RIPK1: variants seen among roughly 807,000 people sequenced by gnomAD.
RIPK1 encodes the protein receptor interacting serine/threonine kinase 1.
RIPK1 carries 27 observed loss-of-function variants against 62.4 expected under a neutral mutation model. The observed-to-expected ratio is 0.43, with a 90% CI of 0.32 to 0.60. The LOEUF (loss-of-function observed/expected upper bound fraction) is 0.60, where lower values mean the gene tolerates loss of function less well. Among genes scored for constraint, RIPK1 ranks in the 20% least tolerant of loss-of-function variants. The pLI is 0.07. For missense variants in RIPK1, 735 were observed against 831.0 expected (o/e 0.88, Z 1.42); for synonymous variants, 287 against 303.2 (o/e 0.95, Z 0.55).
At chr6:3,078,161 TA>T in intron 3 of RIPK1, among the ~76,000 whole-genome samples, 1 of 152,302 alleles carries the variant, frequency 6.6e-6, no homozygotes, top group East Asian at 1.9e-4. Flanking sequence ...GCCTCTCAAG[TA>T]GCTGGGATTA....
At chr6:3,106,122 CTAT>C in intron 9 of RIPK1, 71 bp downstream of exon 9, 1 of 1,170,034 alleles carries the variant, frequency 8.5e-7, no homozygotes, top group East Asian at 2.4e-5. Context: ...CCAAGCAGCT[CTAT>C]TATAGATTGT....
At chr6:3,079,182 C>G (rs900812372) in intron 3 of RIPK1, among the ~76,000 whole-genome samples, 4 of 152,116 alleles carry the variant, frequency 2.6e-5, no homozygotes, top group Non-Finnish European at 5.9e-5. Context: ...CTGGTTCAAG[C>G]AACTCTCCTG....
intron 4 of RIPK1, among the ~76,000 whole-genome samples, chr6:3,082,646 T>C (rs554093384): frequency 6.6e-6 from 1 of 152,314 alleles, no homozygotes; most frequent in Non-Finnish European, 1.5e-5. Flanking sequence ...TGGACGCCAT[T>C]TGGGGAAATA....
intron 10 of RIPK1, among the ~76,000 whole-genome samples, 162 bp downstream of exon 10, chr6:3,111,117 A>G (rs1199625346): frequency 1.3e-5 from 2 of 152,076 alleles, no homozygotes. Context: ...TTCCTTTGTC[A>G]TTTATTTATT....
At chr6:3,083,481 G>A (rs1241314509) in intron 5 of RIPK1, among the ~76,000 whole-genome samples, 168 bp downstream of exon 5, 1 of 152,176 alleles carries the variant, frequency 6.6e-6, no homozygotes, top group East Asian at 1.9e-4. Context: ...TAGCTGGAGA[G>A]GTGCTGTGAA....
chr6:3,087,427 T>TTTTGTTTTTG (rs1759759466), intron 6 of RIPK1, among the ~76,000 whole-genome samples: 1 of 152,090 alleles, frequency 6.6e-6, no homozygotes, highest in Non-Finnish European at 1.5e-5. Context: ...TTTTTGTTTT[T>TTTTGTTTTTG]TTTGTTTTTG....
intron 6 of RIPK1, among the ~76,000 whole-genome samples, chr6:3,086,708 T>C (rs1759712078): frequency 6.6e-6 from 1 of 152,250 alleles, no homozygotes; most frequent in Non-Finnish European, 1.5e-5. Context: ...CTTCTGTGTG[T>C]TCAGCAACCT....
chr6:3,096,416 T>C (rs17548476), intron 7 of RIPK1, among the ~76,000 whole-genome samples: 8 of 152,224 alleles, frequency 5.3e-5, no homozygotes, highest in African/African-American at 1.9e-4. Context: ...ATAACCTTAA[T>C]TGAGAGACAT....
upstream of RIPK1, among the ~76,000 whole-genome samples, chr6:3,067,051 ATTTTTTTT>A (rs36132424): frequency 1.2e-4 from 7 of 59,052 alleles, no homozygotes; most frequent in Admixed American, 6.6e-4. Flanking sequence ...TTGCTCCAGG[ATTTTTTTT>A]TTTTTTTTTT....
upstream of RIPK1, among the ~76,000 whole-genome samples, chr6:3,066,320 G>A (rs1021909355): frequency 2.6e-5 from 4 of 152,132 alleles, no homozygotes; most frequent in African/African-American, 9.7e-5. Context: ...CACTACACAC[G>A]GCCAGAACAT....
intron 9 of RIPK1, 75 bp from the exon 10 acceptor site, chr6:3,110,728 C>A: frequency 1.1e-6 from 1 of 924,158 alleles, no homozygotes; most frequent in Non-Finnish European, 1.6e-6. Flanking sequence ...TAAAGCCCTG[C>A]TTTTTTGCCA....
intron 6 of RIPK1, among the ~76,000 whole-genome samples, chr6:3,088,256 T>C (rs1759835270): frequency 6.6e-6 from 1 of 152,216 alleles, no homozygotes; most frequent in African/African-American, 2.4e-5. Flanking sequence ...TCAGCCCTTA[T>C]TGACACCTAA....
At chr6:3,107,770 G>A (rs1255941777) in intron 9 of RIPK1, among the ~76,000 whole-genome samples, 2 of 151,862 alleles carry the variant, frequency 1.3e-5, no homozygotes, top group South Asian at 2.1e-4. Flanking sequence ...AAATACACCC[G>A]TTTAGTGCCA....
At chr6:3,077,085 G>A (rs1353871549) in intron 2 of RIPK1, 98 bp downstream of exon 2, 1 of 1,107,578 alleles carries the variant, frequency 9.0e-7, no homozygotes, top group East Asian at 2.5e-5. Context: ...TTGGTGGGTA[G>A]AGTGAGAGGG....
At chr6:3,082,229 C>T (rs1004221420) in intron 4 of RIPK1, among the ~76,000 whole-genome samples, 7 of 152,198 alleles carry the variant, frequency 4.6e-5, no homozygotes, top group Non-Finnish European at 4.4e-5. Context: ...CTGCGTCTAG[C>T]GCTTTGTCCT....
At chr6:3,110,516 T>C (rs1761102278) in intron 9 of RIPK1, among the ~76,000 whole-genome samples, 1 of 151,954 alleles carries the variant, frequency 6.6e-6, no homozygotes, top group African/African-American at 2.4e-5. Flanking sequence ...CCCACTATAC[T>C]CTTTATAGGA....
intron 6 of RIPK1, among the ~76,000 whole-genome samples, chr6:3,087,479 G>A (rs1759763532): frequency 6.7e-6 from 1 of 149,358 alleles, no homozygotes; most frequent in Non-Finnish European, 1.5e-5. Context: ...ATTCAGACTG[G>A]GTAAGTTCTA....
upstream of RIPK1, among the ~76,000 whole-genome samples, chr6:3,064,218 T>TG (rs1240074542): frequency 1.1e-4 from 16 of 152,070 alleles, no homozygotes; most frequent in East Asian, 1.9e-4. Flanking sequence ...CAACGGTCTG[T>TG]GGGGGGTCCC....
intron 7 of RIPK1, among the ~76,000 whole-genome samples, chr6:3,095,172 G>C (rs1760221083): frequency 6.6e-6 from 1 of 152,160 alleles, no homozygotes; most frequent in Admixed American, 6.5e-5. Context: ...AGAATATTAT[G>C]AACAACTTTT....
Sources: gnomAD v4.1 joint callset for allele counts (sites outside exome capture counted in the v4.1 genomes callset) on GRCh38, gnomAD v4.1.1 for gene constraint, MANE v1.5 for transcripts, NCBI Gene and HGNC (gene_info 2026-07-23, HGNC 2026-07-21) for gene names.